The following TMCC1 variants were observed in gnomAD, a reference collection of about 807,000 sequenced individuals.
TMCC1 encodes transmembrane and coiled-coil domains protein 1.
In TMCC1, 15 loss-of-function variants were observed where a neutral mutation model predicts 52.4. The ratio of observed to expected loss-of-function variants is 0.29; its 90% CI spans 0.19 to 0.44. The LOEUF (loss-of-function observed/expected upper bound fraction) is 0.44, where lower values mean the gene tolerates loss of function less well. Ranked by LOEUF, TMCC1 falls within the 20% of genes least tolerant of loss-of-function variation. The pLI, the probability that TMCC1 is intolerant of heterozygous loss-of-function variation, is 1.00. For synonymous variants in TMCC1, 279 were observed against 301.9 expected, an observed-to-expected ratio of 0.92 and a Z score of 0.79; for missense variants, 503 against 806.0, an observed-to-expected ratio of 0.62 and a Z score of 4.55.
chr3:129,866,790 T>C (rs898722847), intron 2 of TMCC1, among the ~76,000 whole-genome samples: 2 of 152,208 alleles, frequency 1.3e-5, no homozygotes, highest in African/African-American at 4.8e-5. Flanking sequence ...AAAATGTATA[T>C]ACTGGTTTTA....
At chr3:129,740,409 G>T (rs926535662) in intron 4 of TMCC1, among the ~76,000 whole-genome samples, 6 of 152,120 alleles carry the variant, frequency 3.9e-5, no homozygotes, top group Non-Finnish European at 7.3e-5. Context: ...CTTTGTACTC[G>T]TCATTAAAAA....
chr3:129,668,241 T>C (rs1483465407), intron 5 of TMCC1, among the ~76,000 whole-genome samples: 2 of 152,162 alleles, frequency 1.3e-5, no homozygotes. Flanking sequence ...TTTTGTGTGG[T>C]TTTAAAAATT....
chr3:129,874,587 TG>T (rs2061098847), intron 2 of TMCC1, among the ~76,000 whole-genome samples: 2 of 152,308 alleles, frequency 1.3e-5, no homozygotes, highest in South Asian at 4.1e-4. Context: ...GCAGGTGCAG[TG>T]GCTCATGTCC....
chr3:129,802,451 T>A (rs1171716720), intron 4 of TMCC1, among the ~76,000 whole-genome samples: 1 of 152,158 alleles, frequency 6.6e-6, no homozygotes, highest in Non-Finnish European at 1.5e-5. Context: ...ATATGTAAAC[T>A]ACAATACCAC....
chr3:129,813,366 C>T (rs2057926924), intron 4 of TMCC1, among the ~76,000 whole-genome samples: 1 of 152,128 alleles, frequency 6.6e-6, no homozygotes, highest in Admixed American at 6.5e-5. Flanking sequence ...CATGTATGTT[C>T]ACTGCAGCAC....
At chr3:129,816,689 G>C (rs2058113765) in intron 4 of TMCC1, among the ~76,000 whole-genome samples, 1 of 152,084 alleles carries the variant, frequency 6.6e-6, no homozygotes, top group African/African-American at 2.4e-5. Context: ...TAGATCAGTA[G>C]GGTGATTATA....
chr3:129,831,533 T>TA (rs2058913122), intron 3 of TMCC1, among the ~76,000 whole-genome samples: 1 of 152,176 alleles, frequency 6.6e-6, no homozygotes, highest in Non-Finnish European at 1.5e-5. Context: ...TTATAAAACG[T>TA]AATATGGTAC....
At chr3:129,746,314 G>A (rs188231773) in intron 4 of TMCC1, among the ~76,000 whole-genome samples, 152 of 151,446 alleles carry the variant, frequency 1.0e-3, no homozygotes, top group African/African-American at 3.4e-3. Context: ...GGGACTACAG[G>A]CGTGCGCCAC....
At chr3:129,681,873 A>G (rs1007412812) in intron 4 of TMCC1, among the ~76,000 whole-genome samples, 2 of 150,712 alleles carry the variant, frequency 1.3e-5, no homozygotes, top group Admixed American at 6.6e-5. Context: ...ATACCACTGC[A>G]CTCCAGCCTG....
intron 4 of TMCC1, among the ~76,000 whole-genome samples, chr3:129,809,511 T>G (rs1218353210): frequency 6.6e-6 from 1 of 152,172 alleles, no homozygotes; most frequent in Non-Finnish European, 1.5e-5. Context: ...AGCCACACAA[T>G]TCAGCCTTCC....
intron 1 of TMCC1, among the ~76,000 whole-genome samples, chr3:129,884,194 G>GT (rs1452644616): frequency 2.0e-5 from 3 of 151,934 alleles, no homozygotes; most frequent in African/African-American, 7.3e-5. Context: ...CAGAAATCTA[G>GT]AACTATACAA....
At chr3:129,878,385 T>C (rs780468408) in intron 2 of TMCC1, among the ~76,000 whole-genome samples, 4 of 152,198 alleles carry the variant, frequency 2.6e-5, no homozygotes, top group Non-Finnish European at 5.9e-5. Flanking sequence ...GACAACTGCA[T>C]TCTTCCAGAA....
chr3:129,709,394 T>C (rs1317132759), intron 4 of TMCC1, among the ~76,000 whole-genome samples: 1 of 143,892 alleles, frequency 6.9e-6, no homozygotes, highest in Non-Finnish European at 1.5e-5. Context: ...GAGGATCACC[T>C]GAGCCCAGGA....
At chr3:129,835,345 A>ATATT (rs986152419) in intron 2 of TMCC1, among the ~76,000 whole-genome samples, 1 of 151,644 alleles carries the variant, frequency 6.6e-6, no homozygotes, top group African/African-American at 2.4e-5. Flanking sequence ...ATATATATAT[A>ATATT]TTTTAATGAC....
chr3:129,723,401 ATTTTT>A (rs62776661), intron 4 of TMCC1, among the ~76,000 whole-genome samples: 2 of 126,806 alleles, frequency 1.6e-5, no homozygotes, highest in East Asian at 4.3e-4. Context: ...TCCATCAAGA[ATTTTT>A]TTTTTTTAAT....
chr3:129,680,837 T>C (rs2088908387), intron 4 of TMCC1, among the ~76,000 whole-genome samples: 1 of 151,016 alleles, frequency 6.6e-6, no homozygotes, highest in East Asian at 1.9e-4. Context: ...GGGGTGGAGG[T>C]TGCAGTGAGC....
Position 129,828,539 on chromosome 3 carries a change from A to C in TMCC1, c.-130-31T>G. On this transcript the variant is annotated intron_variant, in intron 3 of 6. Transcript: ENST00000393238. The surrounding 1 kb of genome is among the most constrained non-coding windows in gnomAD (Gnocchi z 4.1). ...GTTAAAAACAAAAAAACAAAAAAAC[A>C]AAAAAAAAACCTTATATTATAAATC... is the stretch of plus-strand genomic sequence containing the variant. The C allele has an allele frequency of 1.8e-6, 1 of 556,822 alleles. No homozygotes were observed. Among genetic ancestry groups the C allele is most frequent in the Non-Finnish European group, 3.0e-6 (1 of 334,656 alleles). The allele number at this position is 556,822 out of a possible 1,614,324, so 34.5% of individuals were successfully genotyped here.
intron 4 of TMCC1, among the ~76,000 whole-genome samples, chr3:129,809,738 G>C (rs557889318): frequency 1.3e-5 from 2 of 152,130 alleles, no homozygotes; most frequent in Admixed American, 6.5e-5. Context: ...AAAAAGAATA[G>C]CTTTTGGTAT....
Position 129,647,969 on chromosome 3 carries a change from G to C in TMCC1, c.*3512C>G, listed in dbSNP as rs979937536. On this transcript the variant is annotated 3_prime_UTR_variant, in exon 7 of 7. Transcript: ENST00000393238. ...GTGTCATTTCTTTACGTTTCAATTC[G>C]TGCAAGTGAGTTTTTATTCTTACAC... 1 of 152,566 alleles carries C rather than the reference G, an allele frequency of 6.6e-6. No individual in the cohort carries two copies. Among genetic ancestry groups the C allele is most frequent in the Non-Finnish European group, 1.5e-5 (1 of 68,032 alleles). The allele number at this position is 152,566 out of a possible 1,614,324, so 9.5% of individuals were successfully genotyped here. A position where few individuals can be genotyped will look rare whatever the true frequency, so the allele number is the denominator to read the frequency against.
Sources: gnomAD v4.1 joint callset for allele counts (sites outside exome capture counted in the v4.1 genomes callset) on GRCh38, gnomAD v4.1.1 for gene constraint, Gnocchi (gnomAD v3.1) non-coding constraint, MANE v1.5 for transcripts, NCBI Gene and HGNC (gene_info 2026-07-23, HGNC 2026-07-21) for gene names.